The following TRAF6 variants were observed in gnomAD, a reference collection of about 807,000 sequenced individuals.
The protein encoded by TRAF6 is TNF receptor-associated factor 6.
TRAF6 carries 10 observed loss-of-function variants against 48.4 expected under a neutral mutation model. The ratio of observed to expected loss-of-function variants is 0.21; its 90% CI spans 0.13 to 0.35. The LOEUF (loss-of-function observed/expected upper bound fraction) is 0.35, where lower values mean the gene tolerates loss of function less well. Ranked by LOEUF, TRAF6 falls within the 10% of genes least tolerant of loss-of-function variation. The pLI is 1.00. For missense variants in TRAF6, 397 were observed against 661.0 expected (o/e 0.60, Z 4.38); for synonymous variants, 186 against 219.6 (o/e 0.85, Z 1.35).
In TRAF6 at chr11:36,500,906, A is replaced by G. The variant is rs111934399; in HGVS notation, c.296+314T>C. The stretch of plus-strand genomic sequence containing the variant: ...ATCTAGTAGCATCATAATTTAAGGT[A>G]CATTTAAAAAATACTATTTTCTTTA... On this transcript the variant is annotated intron_variant, in intron 2 of 6. Coordinates refer to ENST00000526995, the MANE Select transcript of TRAF6 (RefSeq NM_004620.4). Among the ~76,000 whole-genome samples, 300 of 152,212 alleles carry G rather than the reference A, an allele frequency of 2.0e-3. 1 individual carries two copies. The highest frequency in any genetic ancestry group is 6.2e-3 in the African/African-American group (257 of 41,534).
intron 1 of TRAF6, 41 bp from the exon 2 acceptor site, chr11:36,501,578 C>T: frequency 7.2e-7 from 1 of 1,389,626 alleles, no homozygotes; most frequent in Non-Finnish European, 9.7e-7. Context: ...ATAAGTAACA[C>T]ACACACTCAC....
At chr11:36,508,366 AG>A (rs1859837328) in intron 1 of TRAF6, among the ~76,000 whole-genome samples, 1 of 152,044 alleles carries the variant, frequency 6.6e-6, no homozygotes, top group Non-Finnish European at 1.5e-5. Context: ...TAAAATGAGT[AG>A]TATTGAAAGC....
intron 1 of TRAF6, among the ~76,000 whole-genome samples, chr11:36,504,619 T>C (rs1859761216): frequency 6.6e-6 from 1 of 152,216 alleles, no homozygotes; most frequent in African/African-American, 2.4e-5. Context: ...CAAACTCCTG[T>C]TAAGGCTGAT....
At chr11:36,494,282 G>A (rs998804531) in intron 5 of TRAF6, among the ~76,000 whole-genome samples, 2 of 152,166 alleles carry the variant, frequency 1.3e-5, no homozygotes, top group Admixed American at 1.3e-4. Flanking sequence ...GCTGAGGTAG[G>A]AGGATCGCCT....
At position 36,488,848 on chromosome 11, in the gene TRAF6, G is replaced by T. The variant is rs1264781188; in HGVS notation, c.*990C>A. ...GAAATCAATTTTGTTCTTTTTAATC[G>T]AAATAAACCAGAGGGTATTCAAAAG... On this transcript the variant is annotated 3_prime_UTR_variant, in exon 7 of 7. Coordinates refer to ENST00000526995, the MANE Select transcript of TRAF6 (RefSeq NM_004620.4). The T allele has an allele frequency of 6.6e-6, 1 of 152,056 alleles. No individual in the cohort carries two copies. Among genetic ancestry groups the T allele is most frequent in the African/African-American group, 2.4e-5 (1 of 41,376 alleles). 9.4% of individuals were successfully genotyped at this position (152,056 alleles called of 1,614,324 possible). A position where few individuals can be genotyped will look rare whatever the true frequency, so the allele number is the denominator to read the frequency against.
At position 36,490,621 on chromosome 11, in the gene TRAF6, T is replaced by C. The variant is rs145506174; in HGVS notation, c.786A>G (p.Leu262=). 9.9e-6 allele frequency: 16 copies of C among 1,611,286 alleles called. No individual in the cohort carries two copies. The highest frequency in any genetic ancestry group is 5.3e-5 in the African/African-American group (4 of 74,858). The change falls in exon 7 of 7, where the codon CTA becomes CTG. Residue 262 remains leucine, a synonymous_variant. Coordinates refer to ENST00000526995, the MANE Select transcript of TRAF6 (RefSeq NM_004620.4). This position sits in a 1 kb window ranked among gnomAD's most constrained non-coding sequence, Gnocchi z 6.4. ...KMQRNHLARH[L]QENTQSHMRM... ...TCATGTGTGACTGGGTGTTCTCTTG[T>C]AGGTGGCGTGCCAAGTGATTCCTCT...
In TRAF6 at chr11:36,507,851, T is replaced by C. The variant is rs11033671; in HGVS notation, c.-23+2197A>G. Among the ~76,000 whole-genome samples, 1,338 of 147,712 alleles carry C rather than the reference T, an allele frequency of 9.1e-3. 22 individuals carry two copies. Among genetic ancestry groups the C allele is most frequent in the African/African-American group, 0.031 (1,265 of 40,382 alleles). Reference sequence around the variant, plus strand: ...TTTTATATATGTGTATATATATACATATATATACACACACTTTTTTTTTTG... The same window carrying C: ...TTTTATATATGTGTATATATATACACATATATACACACACTTTTTTTTTTG... On this transcript the variant is annotated intron_variant, in intron 1 of 6. Coordinates refer to ENST00000526995, the MANE Select transcript of TRAF6 (RefSeq NM_004620.4).
At chr11:36,506,666 C>T (rs997370336) in intron 1 of TRAF6, among the ~76,000 whole-genome samples, 2 of 152,110 alleles carry the variant, frequency 1.3e-5, no homozygotes, top group African/African-American at 4.8e-5. Flanking sequence ...CTAATGTGTT[C>T]CTAAGAAAAT....
intron 1 of TRAF6, among the ~76,000 whole-genome samples, chr11:36,508,328 G>A (rs955875891): frequency 1.3e-5 from 2 of 151,798 alleles, no homozygotes. Context: ...ATTGTGGAAC[G>A]TTAACTACTG....
In TRAF6 at chr11:36,486,880, G is replaced by C. The variant is rs1274787140; in HGVS notation, c.*2958C>G. On this transcript the variant is annotated 3_prime_UTR_variant, in exon 7 of 7. Coordinates refer to ENST00000526995, the MANE Select transcript of TRAF6 (RefSeq NM_004620.4). Reference sequence around the variant, plus strand: ...GAGGCGGGCGGATCATCTGAGGTCAGGAGTTCCAGACGAGACTGGCCAATA... The same window carrying C: ...GAGGCGGGCGGATCATCTGAGGTCACGAGTTCCAGACGAGACTGGCCAATA... 1 of 152,112 alleles carries C rather than the reference G, an allele frequency of 6.6e-6. No individual in the cohort carries two copies. 9.4% of individuals were successfully genotyped at this position (152,112 alleles called of 1,614,324 possible). A position where few individuals can be genotyped will look rare whatever the true frequency, so the allele number is the denominator to read the frequency against.
At chr11:36,509,355 C>T (rs1859865512) in intron 1 of TRAF6, among the ~76,000 whole-genome samples, 2 of 152,110 alleles carry the variant, frequency 1.3e-5, no homozygotes, top group Admixed American at 6.5e-5. Flanking sequence ...TTTATCAACC[C>T]GGCGTCTGGA....
At position 36,502,645 on chromosome 11, in the gene TRAF6, T is replaced by C. The variant is rs529299226; in HGVS notation, c.-22-1108A>G. On this transcript the variant is annotated intron_variant, in intron 1 of 6. Coordinates refer to ENST00000526995, the MANE Select transcript of TRAF6 (RefSeq NM_004620.4). ...CCTTTTACCACTACAAATACCTTTT[T>C]ATTCTTTTCAAAGATTCTGAGTAGC... Among the ~76,000 whole-genome samples, 4 of 152,284 alleles carry C rather than the reference T, an allele frequency of 2.6e-5. No homozygotes were observed. The East Asian group carries it at 7.7e-4, about 29-fold the overall frequency.
chr11:36,501,111 G>T, intron 2 of TRAF6, 109 bp downstream of exon 2: 2 of 1,091,296 alleles, frequency 1.8e-6, no homozygotes, highest in Non-Finnish European at 2.5e-6. Context: ...TTTTTCCTAA[G>T]TAGCTTTTTA....
At position 36,490,680 on chromosome 11, in the gene TRAF6, G is replaced by C. The variant is rs5030475; in HGVS notation, c.757-30C>G. On this transcript the variant is annotated intron_variant, in intron 6 of 6. Transcript: ENST00000526995. The surrounding 1 kb of genome is among the most constrained non-coding windows in gnomAD (Gnocchi z 6.4). ...AAATCAAGCACAAGCCTTAGGCTGG[G>C]AATAGATACCGTGAGGAGTAGGAAA... The C allele has an allele frequency of 1.8e-4, 286 of 1,579,156 alleles. 1 individual carries two copies. The African/African-American group carries it at 3.1e-3, about 17-fold the overall frequency.
At position 36,483,976 on chromosome 11, in the gene TRAF6, T is replaced by G. The variant is rs760733581; in HGVS notation, c.*5862A>C. On this transcript the variant is annotated 3_prime_UTR_variant, in exon 7 of 7. Transcript: ENST00000526995. ...ACCAGTACTGAGACATGACATAAAG[T>G]TAAAACTCCAGGTGCCTTTTTGAGA... Among the ~76,000 whole-genome samples the G allele has an allele frequency of 5.9e-5, 9 of 152,184 alleles. No homozygotes were observed. The highest frequency in any genetic ancestry group is 1.2e-4 in the Non-Finnish European group (8 of 68,028).
In TRAF6 at chr11:36,498,591, G is replaced by T. The variant is rs771304757; in HGVS notation, c.346C>A (p.Gln116Lys). 1.9e-6 allele frequency: 3 copies of T among 1,613,216 alleles called. No individual in the cohort carries two copies. The African/African-American group carries it at 4.0e-5, about 22-fold the overall frequency. Residue 116 changes from glutamine to lysine, a missense_variant, in exon 3 of 7, where the codon CAA (glutamine) becomes AAA (lysine). Around this residue, in one of 4 missense-constraint regions of TRAF6, gnomAD observed 245 missense variants for 349.1 expected, o/e 0.70. Transcript: ENST00000526995. ...PVDNEILLEN[Q>K]LFPDNFAKRE... is the part of the protein sequence containing the mutation. ...TTTGCAAAATTGTCTGGAAATAGTT[G>T]ATTTTCCAGCAGTATTTCATTGTCA...
intron 4 of TRAF6, among the ~76,000 whole-genome samples, chr11:36,495,789 G>A (rs1859622854): frequency 6.6e-6 from 1 of 152,112 alleles, no homozygotes; most frequent in South Asian, 2.1e-4. Flanking sequence ...CTACTTGGGA[G>A]GCTGAGGCAG....
chr11:36,488,882 ACTT>A lies in TRAF6; in HGVS notation c.*953_*955del, dbSNP rs1362892151. 2 of 152,186 alleles carry A rather than the reference ACTT, an allele frequency of 1.3e-5. No individual in the cohort carries two copies. Among genetic ancestry groups the A allele is most frequent in the Non-Finnish European group, 2.9e-5 (2 of 68,026 alleles). The allele number at this position is 152,186 out of a possible 1,614,324, so 9.4% of individuals were successfully genotyped here. On this transcript the variant is annotated 3_prime_UTR_variant, in exon 7 of 7. Coordinates refer to ENST00000526995, the MANE Select transcript of TRAF6 (RefSeq NM_004620.4). ...CAGAGGGTATTCAAAAGAGCTGAAAACTTCTGGCTCACATAGCTTCTGTCACCA... is the reference window on the plus strand; with the variant it reads ...CAGAGGGTATTCAAAAGAGCTGAAAACTGGCTCACATAGCTTCTGTCACCA...
chr11:36,507,666 C>T (rs1488180699), intron 1 of TRAF6, among the ~76,000 whole-genome samples: 2 of 31,558 alleles, frequency 6.3e-5, no homozygotes, highest in African/African-American at 2.0e-4. Flanking sequence ...CATACACACG[C>T]GCGTGTATAT....
Sources: gnomAD v4.1 joint callset for allele counts (sites outside exome capture counted in the v4.1 genomes callset) on GRCh38, gnomAD v4.1.1 for gene constraint, gnomAD v4.1.1 regional missense constraint, Gnocchi (gnomAD v3.1) non-coding constraint, MANE v1.5 for transcripts, NCBI Gene and HGNC (gene_info 2026-07-23, HGNC 2026-07-21) for gene names.